The following ARHGAP44 variants were observed in gnomAD, a reference collection of about 807,000 sequenced individuals.
The protein encoded by ARHGAP44 is Rho GTPase activating protein 44, also known as rho GTPase-activating protein 44.
Under a neutral mutation model 106.8 loss-of-function variants are expected in ARHGAP44, and 43 were observed. The observed-to-expected ratio is 0.40, with a 90% CI of 0.32 to 0.52. The LOEUF (loss-of-function observed/expected upper bound fraction) is 0.52, where lower values mean the gene tolerates loss of function less well. Among genes scored for constraint, ARHGAP44 ranks in the 20% least tolerant of loss-of-function variants. The pLI is 0.48. For missense variants in ARHGAP44, 866 were observed against 1,050.5 expected (o/e 0.82, Z 2.43); for synonymous variants, 439 against 410.3 (o/e 1.07, Z -0.85).
At chr17:12,887,499 C>T (rs529156467) in intron 1 of ARHGAP44, among the ~76,000 whole-genome samples, 16 of 152,194 alleles carry the variant, frequency 1.1e-4, no homozygotes, top group African/African-American at 3.1e-4. Context: ...CTTGGCCTCC[C>T]GAAGTGTTGG....
Position 12,958,585 on chromosome 17 carries a change from AAGGTGAACC to A in ARHGAP44, c.1343-130_1343-122del. On this transcript the variant is annotated intron_variant, in intron 15 of 20. Coordinates refer to ENST00000379672, the MANE Select transcript of ARHGAP44 (RefSeq NM_014859.6). This position sits in a 1 kb window ranked among gnomAD's most constrained non-coding sequence, Gnocchi z 4.1. ...TGTTAATGTGATGCATTATATTAAT[AAGGTGAACC>A]ATGGGATGAAATTTTCTAGGGATGA... 1 of 821,118 alleles carries A rather than the reference AAGGTGAACC, an allele frequency of 1.2e-6. No individual in the cohort carries two copies. The highest frequency in any genetic ancestry group is 1.9e-6 in the Non-Finnish European group (1 of 520,194). 50.9% of individuals were successfully genotyped at this position (821,118 alleles called of 1,614,324 possible).
rs1030431584 is a variant in ARHGAP44, at chr17:12,985,139, G to A, written c.2317+231G>A. On this transcript the variant is annotated intron_variant, in intron 20 of 20. Transcript: ENST00000379672. ...TCTTATGGGATCTCTCTCGGTCTAA[G>A]CCCACCAGCCTGGGGTTCTGTTTTT... 53 of 524,152 alleles carry A rather than the reference G, an allele frequency of 1.0e-4. 1 individual carries two copies. The Middle Eastern group carries it at 1.5e-3, about 15-fold the overall frequency. The allele number at this position is 524,152 out of a possible 1,614,324, so 32.5% of individuals were successfully genotyped here.
intron 1 of ARHGAP44, among the ~76,000 whole-genome samples, chr17:12,864,394 G>C (rs9891831): frequency 2.6e-5 from 4 of 152,062 alleles, no homozygotes; most frequent in Non-Finnish European, 5.9e-5. Context: ...ATTTGATACC[G>C]TCAACCACAA....
chr17:12,963,316 C>T (rs998477034), intron 16 of ARHGAP44, among the ~76,000 whole-genome samples: 5 of 152,068 alleles, frequency 3.3e-5, no homozygotes, highest in Admixed American at 3.3e-4. Context: ...GAGGCCAGGT[C>T]AGAAGAAGCC....
At chr17:12,807,670 A>G (rs183087821) in intron 1 of ARHGAP44, among the ~76,000 whole-genome samples, 207 of 152,290 alleles carry the variant, frequency 1.4e-3, no homozygotes, top group African/African-American at 4.7e-3. Flanking sequence ...CTCTCGCAAC[A>G]TGTGAGAATT....
chr17:12,954,645 T>G (rs1230651252), intron 13 of ARHGAP44, among the ~76,000 whole-genome samples: 1 of 151,984 alleles, frequency 6.6e-6, no homozygotes, highest in African/African-American at 2.4e-5. Context: ...TTCACTATGA[T>G]CCAAGCAAAA....
chr17:12,868,300 C>T (rs992147219), intron 1 of ARHGAP44, among the ~76,000 whole-genome samples: 3 of 152,036 alleles, frequency 2.0e-5, no homozygotes, highest in Non-Finnish European at 4.4e-5. Context: ...TAGGGCTTAC[C>T]CTAATGACTG....
At chr17:12,873,620 A>G (rs539914822) in intron 1 of ARHGAP44, among the ~76,000 whole-genome samples, 181 of 152,354 alleles carry the variant, frequency 1.2e-3, no homozygotes, top group African/African-American at 4.2e-3. Flanking sequence ...ACCACCAGCC[A>G]GGCTTGGTGG....
intron 19 of ARHGAP44, among the ~76,000 whole-genome samples, chr17:12,982,314 TTTTTAA>T (rs1335312717): frequency 6.8e-5 from 6 of 88,172 alleles, no homozygotes; most frequent in Non-Finnish European, 1.3e-4. Context: ...CAGGTCTTTT[TTTTTAA>T]TTTTTTTTTT....
chr17:12,925,963 T>G (rs1172511904), intron 6 of ARHGAP44, among the ~76,000 whole-genome samples: 2 of 152,230 alleles, frequency 1.3e-5, no homozygotes, highest in Non-Finnish European at 2.9e-5. Context: ...AGCATGAGTA[T>G]CTGTACAAAA....
At chr17:12,903,140 A>AGAGAGT (rs1403029479) in intron 3 of ARHGAP44, among the ~76,000 whole-genome samples, 13 of 57,588 alleles carry the variant, frequency 2.3e-4, no homozygotes, top group African/African-American at 6.2e-4. Context: ...AGAGAGAGAG[A>AGAGAGT]GTGTGTGTGT....
At chr17:12,936,995 C>G (rs561987103) in intron 7 of ARHGAP44, among the ~76,000 whole-genome samples, 1 of 152,112 alleles carries the variant, frequency 6.6e-6, no homozygotes, top group African/African-American at 2.4e-5. Context: ...GTAAATAGTT[C>G]TTTGGTGATG....
At chr17:12,969,899 G>A (rs1245134004) in intron 16 of ARHGAP44, among the ~76,000 whole-genome samples, 1 of 152,228 alleles carries the variant, frequency 6.6e-6, no homozygotes, top group Admixed American at 6.5e-5. Context: ...GCTCTACTGA[G>A]TCAGCAAATG....
intron 1 of ARHGAP44, among the ~76,000 whole-genome samples, chr17:12,846,583 T>C (rs1271204023): frequency 6.6e-6 from 1 of 152,266 alleles, no homozygotes; most frequent in Non-Finnish European, 1.5e-5. Flanking sequence ...CATTTTATAC[T>C]GAATACATAA....
chr17:12,908,385 C>T (rs572124513), intron 3 of ARHGAP44, among the ~76,000 whole-genome samples: 3 of 151,970 alleles, frequency 2.0e-5, no homozygotes, highest in East Asian at 1.9e-4. Flanking sequence ...TTAGTAGAGA[C>T]GGGCTTTCAC....
At chr17:12,793,537 G>A (rs367799513) in intron 1 of ARHGAP44, among the ~76,000 whole-genome samples, 4 of 152,044 alleles carry the variant, frequency 2.6e-5, no homozygotes, top group South Asian at 4.1e-4. Flanking sequence ...GCGAAACCCC[G>A]TCTCTACTAA....
intron 6 of ARHGAP44, among the ~76,000 whole-genome samples, chr17:12,925,072 C>T (rs2038192867): frequency 6.6e-6 from 1 of 152,036 alleles, no homozygotes; most frequent in African/African-American, 2.4e-5. Flanking sequence ...ACTCATTCCT[C>T]GTCTCTCACC....
chr17:12,841,923 G>C (rs1197109155), intron 1 of ARHGAP44, among the ~76,000 whole-genome samples: 2 of 152,108 alleles, frequency 1.3e-5, no homozygotes, highest in Non-Finnish European at 2.9e-5. Context: ...TTGAAAAAGA[G>C]CTTTCTGGTA....
intron 1 of ARHGAP44, among the ~76,000 whole-genome samples, chr17:12,892,220 G>C (rs2037070104): frequency 6.6e-6 from 1 of 152,198 alleles, no homozygotes; most frequent in Non-Finnish European, 1.5e-5. Flanking sequence ...TTAGCTAAAG[G>C]GTTCTAGGTT....
Sources: allele counts gnomAD v4.1 joint callset (sites outside exome capture counted in the v4.1 genomes callset), GRCh38; gene constraint gnomAD v4.1.1; non-coding constraint Gnocchi (gnomAD v3.1); transcripts MANE v1.5; gene names NCBI Gene and HGNC (gene_info 2026-07-23, HGNC 2026-07-21).